The following PCDHA3 variants were observed in gnomAD, a reference collection of about 807,000 sequenced individuals.
The protein encoded by PCDHA3 is protocadherin alpha-3.
Under a neutral mutation model 62.2 loss-of-function variants are expected in PCDHA3, and 41 were observed. The observed-to-expected ratio is 0.66, with a 90% confidence interval of 0.51 to 0.86. PCDHA3 has a LOEUF of 0.86. PCDHA3 is among the 40% of genes least tolerant of loss of function. PCDHA3 has a pLI of 0.00. For missense variants in PCDHA3, 1,304 were observed against 1,241.2 expected (o/e 1.05, Z -0.76); for synonymous variants, 640 against 555.4 (o/e 1.15, Z -2.14).
At chr5:140,807,347 C>T in intron 1 of PCDHA3, 1 of 1,612,946 alleles carries the variant, frequency 6.2e-7, no homozygotes, top group Non-Finnish European at 8.5e-7. Flanking sequence ...GGACCTGGGA[C>T]TGGAGCTGGC....
intron 1 of PCDHA3, among the ~76,000 whole-genome samples, chr5:140,958,131 G>A (rs1164407997): frequency 3.9e-5 from 6 of 152,076 alleles, no homozygotes; most frequent in African/African-American, 1.4e-4. Context: ...AAATGTATCA[G>A]TGTGTATATT....
intron 1 of PCDHA3, chr5:140,830,311 G>A (rs2150184835): frequency 2.0e-5 from 32 of 1,613,870 alleles, no homozygotes; most frequent in Non-Finnish European, 2.5e-5. Context: ...CCACGCTGGT[G>A]TGCTCCAGCG....
chr5:140,835,647 G>A, intron 1 of PCDHA3: 1 of 1,613,958 alleles, frequency 6.2e-7, no homozygotes, highest in Non-Finnish European at 8.5e-7. Context: ...GTCCGCCTAT[G>A]AGCTGGTGGT....
intron 1 of PCDHA3, chr5:140,805,413 G>A: frequency 9.4e-7 from 1 of 1,067,844 alleles, no homozygotes; most frequent in Non-Finnish European, 1.1e-6. Context: ...AAATTTGGTG[G>A]GTTTTTTGTT....
intron 1 of PCDHA3, chr5:140,848,229 G>T: frequency 2.5e-6 from 1 of 402,640 alleles, no homozygotes; most frequent in South Asian, 5.0e-5. Flanking sequence ...TTAAGAAAAT[G>T]AAATAAGTTT....
rs147995655 is a variant in PCDHA3, at chr5:140,849,740, C to G, written c.2394+46149C>G. 79 of 1,598,306 alleles carry G rather than the reference C, an allele frequency of 4.9e-5. 7 individuals are homozygous for G. In the African/African-American group the frequency reaches 8.5e-4, roughly 17 times the overall value. On this transcript the variant is annotated intron_variant, in intron 1 of 3. Transcript: ENST00000522353. ...TGGTGCTGGACAGAGCTCTGGACCG[C>G]GAGAGTGTGTCCGCCTACGAGCTGG...
rs147581214 is a variant in PCDHA3, at chr5:140,857,154, C to G, written c.2394+53563C>G. 87 of 1,598,228 alleles carry G rather than the reference C, an allele frequency of 5.4e-5. 8 individuals carry two copies. Among genetic ancestry groups the G allele is most frequent in the Non-Finnish European group, 7.1e-5 (83 of 1,167,802 alleles). On this transcript the variant is annotated intron_variant, in intron 1 of 3. Coordinates refer to ENST00000522353, the MANE Select transcript of PCDHA3 (RefSeq NM_018906.3). ...GATGCTCAAGTGGGCACCGTCATTG[C>G]CCTAATCAGCGTTTCTGACCATGAT...
rs139113749 is a variant in PCDHA3, at chr5:140,843,258, G to C, written c.2394+39667G>C. On this transcript the variant is annotated intron_variant, in intron 1 of 3. Transcript: ENST00000522353. ...GACGAAGCGGACTCTCCGCGCCACC[G>C]TCTGCTGGTCCTGGTGAAGGATCAT... 5 of 1,595,952 alleles carry C rather than the reference G, an allele frequency of 3.1e-6. 1 individual carries two copies. The African/African-American group carries it at 5.4e-5, about 17-fold the overall frequency.
intron 1 of PCDHA3, among the ~76,000 whole-genome samples, chr5:140,963,972 A>G (rs1233467161): frequency 2.0e-5 from 3 of 152,216 alleles, no homozygotes; most frequent in Non-Finnish European, 4.4e-5. Flanking sequence ...GACTGACTCC[A>G]AAGTCTATAT....
intron 1 of PCDHA3, chr5:140,834,789 A>T: frequency 6.2e-7 from 1 of 1,613,702 alleles, no homozygotes; most frequent in Non-Finnish European, 8.5e-7. Flanking sequence ...GTTCCCAGCG[A>T]CACAAAGGAA....
At chr5:140,904,826 TTA>T (rs1554191735) in intron 1 of PCDHA3, among the ~76,000 whole-genome samples, 2 of 152,206 alleles carry the variant, frequency 1.3e-5, no homozygotes, top group South Asian at 4.1e-4. Context: ...GAGCATTTTT[TTA>T]TATGTTTCAT....
chr5:140,913,471 C>G (rs2076351409), intron 1 of PCDHA3, among the ~76,000 whole-genome samples: 1 of 152,010 alleles, frequency 6.6e-6, no homozygotes, highest in South Asian at 2.1e-4. Context: ...TGGGTCTTCT[C>G]TCTTTTTTTC....
intron 1 of PCDHA3, chr5:140,812,000 C>T (rs1554125866): frequency 2.1e-5 from 2 of 95,182 alleles, no homozygotes; most frequent in African/African-American, 1.1e-4. Flanking sequence ...TTTTTACTAC[C>T]ATTTTTTTGT....
At chr5:140,931,977 T>G (rs1207911799) in intron 1 of PCDHA3, among the ~76,000 whole-genome samples, 2 of 151,978 alleles carry the variant, frequency 1.3e-5, no homozygotes, top group Non-Finnish European at 2.9e-5. Flanking sequence ...TATGTGTTTA[T>G]ATTTTGCTCA....
At chr5:140,985,982 G>A (rs1380609067) in intron 3 of PCDHA3, among the ~76,000 whole-genome samples, 3 of 151,940 alleles carry the variant, frequency 2.0e-5, no homozygotes, top group East Asian at 1.9e-4. Flanking sequence ...CTCGTGATCC[G>A]CCCACCTCAG....
At chr5:140,925,408 G>C (rs2082482597) in intron 1 of PCDHA3, among the ~76,000 whole-genome samples, 1 of 152,058 alleles carries the variant, frequency 6.6e-6, no homozygotes, top group Non-Finnish European at 1.5e-5. Flanking sequence ...TCCTTCTTAG[G>C]GAAAGGAACT....
chr5:140,843,498 T>C (rs1554140141), intron 1 of PCDHA3: 1 of 1,595,918 alleles, frequency 6.3e-7, no homozygotes, highest in Admixed American at 1.7e-5. Flanking sequence ...TGCTCAGCAC[T>C]GCCCACTGAG....
intron 1 of PCDHA3, among the ~76,000 whole-genome samples, chr5:140,896,566 G>A (rs1562891221): frequency 6.7e-6 from 1 of 150,252 alleles, no homozygotes; most frequent in Non-Finnish European, 1.5e-5. Context: ...AAGTAGAGAT[G>A]GGGTTTTGAC....
In PCDHA3 at chr5:140,850,163, G is replaced by A; in HGVS notation, c.2394+46572G>A. ...ACGTGACGCTGCAGGTGTTCGTGCTGGACGAGAACGACAATGCGCCGGCGC... is the reference window on the plus strand; with the variant it reads ...ACGTGACGCTGCAGGTGTTCGTGCTAGACGAGAACGACAATGCGCCGGCGC... On this transcript the variant is annotated intron_variant, in intron 1 of 3. Coordinates refer to ENST00000522353, the MANE Select transcript of PCDHA3 (RefSeq NM_018906.3). 14 of 1,594,908 alleles carry A rather than the reference G, an allele frequency of 8.8e-6. 2 individuals are homozygous for A. The highest frequency in any genetic ancestry group is 1.2e-5 in the Non-Finnish European group (14 of 1,167,784).
Sources: allele counts gnomAD v4.1 joint callset (sites outside exome capture counted in the v4.1 genomes callset), GRCh38; gene constraint gnomAD v4.1.1; transcripts MANE v1.5; gene names NCBI Gene and HGNC (gene_info 2026-07-23, HGNC 2026-07-21).